The following TMEM232 variants were observed in gnomAD, a reference collection of about 807,000 sequenced individuals.
The protein encoded by TMEM232 is transmembrane protein 232.
TMEM232 carries 80 observed loss-of-function variants against 78.8 expected under a neutral mutation model. The ratio of observed to expected loss-of-function variants is 1.01; its 90% CI spans 0.85 to 1.22. The LOEUF is 1.22. Among genes scored for constraint, TMEM232 ranks in the 50% most tolerant of loss-of-function variants. The pLI is 0.00. For missense variants in TMEM232, 881 were observed against 742.2 expected, an observed-to-expected ratio of 1.19 and a Z score of -2.17; for synonymous variants, 297 against 254.3, an observed-to-expected ratio of 1.17 and a Z score of -1.60.
chr5:110,701,284 G>T (rs1157759974), intron 1 of TMEM232, among the ~76,000 whole-genome samples: 1 of 151,774 alleles, frequency 6.6e-6, no homozygotes, highest in African/African-American at 2.4e-5. Flanking sequence ...GAAATAGAAG[G>T]AATTTTAGTG....
intron 11 of TMEM232, among the ~76,000 whole-genome samples, chr5:110,540,829 A>C (rs762283740): frequency 6.6e-6 from 1 of 152,204 alleles, no homozygotes; most frequent in African/African-American, 2.4e-5. Flanking sequence ...TCATGCTACA[A>C]TCTGGAAGAA....
At chr5:110,598,945 G>A (rs1187792453) in intron 10 of TMEM232, among the ~76,000 whole-genome samples, 1 of 151,064 alleles carries the variant, frequency 6.6e-6, no homozygotes, top group Non-Finnish European at 1.5e-5. Context: ...ACACCAGCAT[G>A]GCACATGTAT....
intron 1 of TMEM232, among the ~76,000 whole-genome samples, chr5:110,716,650 TC>T (rs1797046149): frequency 1.3e-5 from 2 of 152,050 alleles, no homozygotes; most frequent in Admixed American, 1.3e-4. Context: ...AAATGAAACT[TC>T]ATTTGCTCAC....
intron 1 of TMEM232, among the ~76,000 whole-genome samples, chr5:110,689,664 G>A (rs905158374): frequency 1.3e-5 from 2 of 152,050 alleles, no homozygotes; most frequent in African/African-American, 4.8e-5. Context: ...CAAAAAAAGG[G>A]CCCATATAGC....
intron 10 of TMEM232, among the ~76,000 whole-genome samples, chr5:110,592,214 A>T (rs1346498574): frequency 6.6e-6 from 1 of 152,168 alleles, no homozygotes; most frequent in Non-Finnish European, 1.5e-5. Context: ...ATGAAGCGGA[A>T]ATCAAAAGTT....
At chr5:110,470,144 G>C (rs574558279) in intron 12 of TMEM232, among the ~76,000 whole-genome samples, 182 of 152,206 alleles carry the variant, frequency 1.2e-3, no homozygotes, top group African/African-American at 4.0e-3. Context: ...AATGAACCTT[G>C]TTGGTTCTGT....
At chr5:110,717,992 T>A (rs1317795233) in intron 1 of TMEM232, among the ~76,000 whole-genome samples, 3 of 152,134 alleles carry the variant, frequency 2.0e-5, no homozygotes, top group Non-Finnish European at 4.4e-5. Context: ...AATCTGTATG[T>A]GTTTAAAAGT....
At chr5:110,688,532 A>G (rs114085624) in intron 1 of TMEM232, among the ~76,000 whole-genome samples, 252 of 152,282 alleles carry the variant, frequency 1.7e-3, no homozygotes, top group African/African-American at 5.6e-3. Flanking sequence ...CTTGTGCCTT[A>G]GGAGACAGGA....
chr5:110,415,774 T>C (rs999353678), downstream of TMEM232, among the ~76,000 whole-genome samples: 2 of 152,144 alleles, frequency 1.3e-5, no homozygotes, highest in Admixed American at 6.5e-5. Context: ...AAAGCATTAC[T>C]GGATTGCTAA....
chr5:110,712,565 A>G (rs764911287), intron 1 of TMEM232, among the ~76,000 whole-genome samples: 3 of 152,220 alleles, frequency 2.0e-5, no homozygotes, highest in Non-Finnish European at 2.9e-5. Flanking sequence ...TGGTAACCAC[A>G]TATTTGCTTT....
intron 10 of TMEM232, among the ~76,000 whole-genome samples, chr5:110,580,052 A>G (rs1777999617): frequency 6.6e-6 from 1 of 151,674 alleles, no homozygotes; most frequent in African/African-American, 2.4e-5. Flanking sequence ...AAGTCAAAAA[A>G]CGGTCACAAT....
At chr5:110,514,195 T>C (rs897945566) in intron 12 of TMEM232, among the ~76,000 whole-genome samples, 1 of 152,136 alleles carries the variant, frequency 6.6e-6, no homozygotes, top group Admixed American at 6.5e-5. Context: ...CCGAAATACA[T>C]GTCTGGCATA....
chr5:110,726,035 G>T (rs1419094045), intron 1 of TMEM232, among the ~76,000 whole-genome samples: 1 of 150,662 alleles, frequency 6.6e-6, no homozygotes, highest in Non-Finnish European at 1.5e-5. Flanking sequence ...AGACAACTTG[G>T]ATATTTTTCT....
At chr5:110,697,246 C>CA (rs1187570428) in intron 1 of TMEM232, among the ~76,000 whole-genome samples, 1 of 152,000 alleles carries the variant, frequency 6.6e-6, no homozygotes, top group Non-Finnish European at 1.5e-5. Context: ...GCTAGCCACA[C>CA]ATAGAAAGAT....
chr5:110,401,537 C>G (rs773291968), intron 2 of TMEM232, among the ~76,000 whole-genome samples: 1 of 151,990 alleles, frequency 6.6e-6, no homozygotes, highest in Non-Finnish European at 1.5e-5. Flanking sequence ...CATTAGGCCA[C>G]CCCTGGGAAT....
chr5:110,524,597 C>T (rs571293259), intron 12 of TMEM232, among the ~76,000 whole-genome samples: 6 of 152,166 alleles, frequency 3.9e-5, no homozygotes, highest in South Asian at 2.1e-4. Context: ...TTCTGTGGCA[C>T]GTGAGATGAG....
intron 10 of TMEM232, among the ~76,000 whole-genome samples, chr5:110,587,792 A>G (rs1438340965): frequency 2.1e-5 from 3 of 145,636 alleles, no homozygotes; most frequent in Non-Finnish European, 4.5e-5. Context: ...TCTGTCAATT[A>G]TACCTCAATA....
At chr5:110,456,585 A>G (rs1177743158) in intron 12 of TMEM232, among the ~76,000 whole-genome samples, 1 of 152,128 alleles carries the variant, frequency 6.6e-6, no homozygotes. Context: ...AGAATAACAA[A>G]AGCAATCTTA....
chr5:110,421,347 T>C (rs1247606007), intron 13 of TMEM232, among the ~76,000 whole-genome samples: 4 of 151,802 alleles, frequency 2.6e-5, no homozygotes, highest in African/African-American at 4.8e-5. Flanking sequence ...TAGTAGTATA[T>C]TGGAAGGCAA....
Sources: allele counts gnomAD v4.1 joint callset (sites outside exome capture counted in the v4.1 genomes callset), GRCh38; gene constraint gnomAD v4.1.1; transcripts MANE v1.5; gene names NCBI Gene and HGNC (gene_info 2026-07-23, HGNC 2026-07-21).